DDX50: variants seen among roughly 807,000 people sequenced by gnomAD.
The protein encoded by DDX50 is ATP-dependent RNA helicase DDX50.
In DDX50, 56 loss-of-function variants were observed where a neutral mutation model predicts 94.8. That is an observed-to-expected ratio of 0.59 (90% CI 0.48 to 0.74). DDX50 has a LOEUF of 0.74. DDX50 is among the 30% of genes least tolerant of loss of function. DDX50 has a pLI of 0.00. For synonymous variants in DDX50, 264 were observed against 295.4 expected, an observed-to-expected ratio of 0.89 and a Z score of 1.09; for missense variants, 713 against 881.2, an observed-to-expected ratio of 0.81 and a Z score of 2.42.
At chr10:68,912,496 G>A (rs142200902) in intron 4 of DDX50, among the ~76,000 whole-genome samples, 48 of 152,292 alleles carry the variant, frequency 3.2e-4, no homozygotes, top group Non-Finnish European at 6.0e-4. Flanking sequence ...TTACAGGTGT[G>A]AGCCTCCACG....
chr10:68,905,176 C>G (rs927043973), intron 1 of DDX50, among the ~76,000 whole-genome samples: 1 of 152,186 alleles, frequency 6.6e-6, no homozygotes, highest in East Asian at 1.9e-4. Flanking sequence ...CTCGCCCCCC[C>G]AGAGTGCTGG....
chr10:68,905,049 C>T (rs1324639048), intron 1 of DDX50, among the ~76,000 whole-genome samples: 1 of 151,960 alleles, frequency 6.6e-6, no homozygotes, highest in South Asian at 2.1e-4. Context: ...TGAGAGTGGC[C>T]GAGATTACAG....
chr10:68,903,705 G>A (rs1434763682), intron 1 of DDX50, among the ~76,000 whole-genome samples: 3 of 151,940 alleles, frequency 2.0e-5, no homozygotes, highest in African/African-American at 7.3e-5. Flanking sequence ...GGAGGCTGAG[G>A]TAAGAGAATC....
At position 68,933,421 on chromosome 10, in the gene DDX50, A is replaced by C. The variant is rs1475959975; in HGVS notation, c.1240-778A>C. ...AAATGTGAATACAGCCCAAAAGTTC[A>C]TCAGTAGGATATTGCTAAAATAGAT... On this transcript the variant is annotated intron_variant, in intron 8 of 14. Transcript: ENST00000373585. Among the ~76,000 whole-genome samples the C allele has an allele frequency of 2.0e-5, 3 of 152,256 alleles. No individual in the cohort carries two copies. The East Asian group carries it at 5.8e-4, about 29-fold the overall frequency.
intron 14 of DDX50, among the ~76,000 whole-genome samples, chr10:68,943,757 A>G (rs910603407): frequency 4.6e-5 from 7 of 151,786 alleles, no homozygotes; most frequent in African/African-American, 4.8e-5. Context: ...TTTTTTAAAA[A>G]ATTTTTGTAG....
At chr10:68,909,697 T>C (rs556943836) in intron 2 of DDX50, among the ~76,000 whole-genome samples, 1 of 152,252 alleles carries the variant, frequency 6.6e-6, no homozygotes, top group South Asian at 2.1e-4. Context: ...AGTTTCGCTC[T>C]TGTTGCCCCG....
At chr10:68,908,229 T>C (rs1841515504) in intron 2 of DDX50, among the ~76,000 whole-genome samples, 1 of 152,062 alleles carries the variant, frequency 6.6e-6, no homozygotes, top group Non-Finnish European at 1.5e-5. Context: ...GGCAGGTGGA[T>C]CACCTGAGAT....
intron 8 of DDX50, among the ~76,000 whole-genome samples, chr10:68,929,299 CTCTCTCTCTCTCTCTT>C (rs147176198): frequency 6.4e-4 from 52 of 80,686 alleles, no homozygotes; most frequent in African/African-American, 1.9e-3. Flanking sequence ...CTTCCTCTCT[CTCTCTCTCTCTCTCTT>C]TCTTTCTCTT....
chr10:68,933,549 G>T (rs1842327194), intron 8 of DDX50, among the ~76,000 whole-genome samples: 1 of 151,922 alleles, frequency 6.6e-6, no homozygotes, highest in Admixed American at 6.6e-5. Context: ...TATCAAGTAG[G>T]TTACAAAACC....
chr10:68,943,135 T>G, intron 13 of DDX50, 78 bp from the exon 14 acceptor site: 1 of 1,264,354 alleles, frequency 7.9e-7, no homozygotes, highest in Non-Finnish European at 1.1e-6. Flanking sequence ...AGCCACTGAG[T>G]CATGCATTAT....
At chr10:68,902,190 CAA>C (rs35302047) in intron 1 of DDX50, among the ~76,000 whole-genome samples, 9,858 of 94,222 alleles carry the variant, frequency 0.1, 392 homozygotes, top group Middle Eastern at 0.16. Flanking sequence ...CCCTGCCCTC[CAA>C]AAAAAAAAAA....
At chr10:68,917,783 A>G (rs1364321346) in intron 7 of DDX50, among the ~76,000 whole-genome samples, 5 of 152,002 alleles carry the variant, frequency 3.3e-5, no homozygotes, top group Non-Finnish European at 7.4e-5. Flanking sequence ...TTGTGTTTTT[A>G]GTAGAGATGT....
Position 68,919,820 on chromosome 10 carries a change from C to A in DDX50, c.1090-12C>A. ...AATGAAACAAATAATGTGGTATTTT[C>A]TTTCTTCAAAGCATTTGGCCATCCA... On this transcript the variant is annotated splice_polypyrimidine_tract_variant and intron_variant, in intron 7 of 14. Transcript: ENST00000373585. 1 of 1,605,672 alleles carries A rather than the reference C, an allele frequency of 6.2e-7. No individual in the cohort carries two copies. The highest frequency in any genetic ancestry group is 1.1e-5 in the South Asian group (1 of 88,942).
intron 8 of DDX50, among the ~76,000 whole-genome samples, chr10:68,924,469 T>A (rs1842025858): frequency 6.6e-6 from 1 of 152,190 alleles, no homozygotes; most frequent in Non-Finnish European, 1.5e-5. Context: ...TATTGTTTTT[T>A]TCCTTCCTAA....
At chr10:68,917,133 C>T (rs1841817975) in intron 7 of DDX50, among the ~76,000 whole-genome samples, 1 of 151,866 alleles carries the variant, frequency 6.6e-6, no homozygotes, top group Admixed American at 6.6e-5. Flanking sequence ...ATCTATAGTT[C>T]CTTTTTTTTT....
intron 10 of DDX50, 62 bp from the exon 11 acceptor site, chr10:68,935,941 ATAT>A: frequency 9.4e-7 from 1 of 1,065,804 alleles, no homozygotes; most frequent in Non-Finnish European, 1.4e-6. Context: ...AACTATTAAA[ATAT>A]TAATTTAGGA....
chr10:68,913,491 T>C lies in DDX50; in HGVS notation c.858T>C (p.His286=), dbSNP rs1185408274. The C allele has an allele frequency of 6.2e-7, 1 of 1,614,174 alleles. No homozygotes were observed. Among genetic ancestry groups the C allele is most frequent in the East Asian group, 2.2e-5 (1 of 44,872 alleles). ...SGRLDLSKLR[H]VVLDEVDQML... ...GATTGGATCTTTCTAAACTGCGACA[T>C]GTTGTGCTTGATGAAGTGGATCAGA... Residue 286 remains histidine, a synonymous_variant, in exon 6 of 15, where the codon CAT becomes CAC. Coordinates refer to ENST00000373585, the MANE Select transcript of DDX50 (RefSeq NM_024045.2).
chr10:68,932,485 C>A (rs1842298469), intron 8 of DDX50, among the ~76,000 whole-genome samples: 1 of 152,138 alleles, frequency 6.6e-6, no homozygotes, highest in African/African-American at 2.4e-5. Flanking sequence ...GTCTTGAACT[C>A]CTGACTTCAA....
chr10:68,923,221 A>ATT (rs71031806), intron 8 of DDX50, among the ~76,000 whole-genome samples: 19 of 142,024 alleles, frequency 1.3e-4, no homozygotes, highest in Admixed American at 2.9e-4. Context: ...TATATATTTT[A>ATT]TTTTTTTTTC....
Sources: gnomAD v4.1 joint callset for allele counts (sites outside exome capture counted in the v4.1 genomes callset) on GRCh38, gnomAD v4.1.1 for gene constraint, MANE v1.5 for transcripts, NCBI Gene and HGNC (gene_info 2026-07-23, HGNC 2026-07-21) for gene names.